The following CEP76 variants were observed in gnomAD, a reference collection of about 807,000 sequenced individuals.
CEP76 encodes centrosomal protein 76.
In CEP76, 55 loss-of-function variants were observed where a neutral mutation model predicts 83.3. The ratio of observed to expected loss-of-function variants is 0.66; its 90% CI spans 0.53 to 0.83. CEP76 has a LOEUF of 0.83. CEP76 is among the 40% of genes least tolerant of loss of function. CEP76 has a pLI of 0.00. For synonymous variants in CEP76, 270 were observed against 274.5 expected (o/e 0.98, Z 0.16); for missense variants, 694 against 799.5 (o/e 0.87, Z 1.59).
At chr18:12,663,222 G>A (rs1490837190) in intron 12 of CEP76, among the ~76,000 whole-genome samples, 1 of 152,060 alleles carries the variant, frequency 6.6e-6, no homozygotes, top group Non-Finnish European at 1.5e-5. Context: ...CAAACATTAG[G>A]ACAAGCAGTA....
intron 12 of CEP76, among the ~76,000 whole-genome samples, chr18:12,666,354 A>G (rs1171562886): frequency 1.3e-5 from 2 of 151,890 alleles, no homozygotes; most frequent in Non-Finnish European, 2.9e-5. Context: ...TTATCTTGCA[A>G]AGTTTGCTAA....
chr18:12,702,693 G>C lies in CEP76; in HGVS notation c.-145C>G, dbSNP rs1200031582. 1 of 864,416 alleles carries C rather than the reference G, an allele frequency of 1.2e-6. No homozygotes were observed. The highest frequency in any genetic ancestry group is 3.1e-5 in the Admixed American group (1 of 32,158). 53.5% of individuals were successfully genotyped at this position (864,416 alleles called of 1,614,324 possible). On this transcript the variant is annotated 5_prime_UTR_variant, in exon 1 of 12. Coordinates refer to ENST00000262127, the MANE Select transcript of CEP76 (RefSeq NM_024899.4). ...TAGCGCAGCTCCCGGGGGACGCAAC[G>C]CCGCGTCAGGCCGGGGGCTGACCTG...
rs774810193 is a variant in CEP76 at position 12,701,046 on chromosome 18, T to C, written c.131A>G (p.Gln44Arg). 3 of 1,613,812 alleles carry C rather than the reference T, an allele frequency of 1.9e-6. No individual in the cohort carries two copies. In the African/African-American group the frequency reaches 4.0e-5, roughly 22 times the overall value. The part of the protein sequence containing the change: ...ETIREELAPD[Q>R]QHLSTEDLIK... ...CAAATCTTCTGTTGATAAATGCTGT[T>C]GATCAGGTGCCAATTCTTCCCGTAT... Residue 44 changes from glutamine to arginine, a missense_variant, in exon 2 of 12, where the codon CAA (glutamine) becomes CGA (arginine). Transcript: ENST00000262127.
At chr18:12,663,929 T>C (rs9945644) in intron 12 of CEP76, among the ~76,000 whole-genome samples, 56,988 of 151,578 alleles carry the variant, frequency 0.38, 10,957 homozygotes, top group Non-Finnish European at 0.43. Context: ...CTTTGGGAGG[T>C]TGAGGCAGGC....
chr18:12,694,750 T>C (rs1177182992), intron 6 of CEP76, among the ~76,000 whole-genome samples: 2 of 151,916 alleles, frequency 1.3e-5, no homozygotes, highest in Non-Finnish European at 2.9e-5. Context: ...CTTGCTCTGT[T>C]GCCCAGGCTG....
At chr18:12,690,857 A>G (rs763369539) in intron 7 of CEP76, among the ~76,000 whole-genome samples, 4 of 152,132 alleles carry the variant, frequency 2.6e-5, no homozygotes, top group Non-Finnish European at 2.9e-5. Context: ...CTTCAGTTAA[A>G]CATTACTGGT....
intron 8 of CEP76, among the ~76,000 whole-genome samples, chr18:12,682,191 G>A (rs185923872): frequency 6.6e-6 from 1 of 151,858 alleles, no homozygotes; most frequent in Non-Finnish European, 1.5e-5. Context: ...TTGAGATAGG[G>A]TCTAGTTCTG....
In CEP76 at chr18:12,697,450, TCA is replaced by T. The variant is rs754197003; in HGVS notation, c.521-44_521-43del. 4 of 1,308,772 alleles carry T rather than the reference TCA, an allele frequency of 3.1e-6. No individual in the cohort carries two copies. The East Asian group carries it at 9.6e-5, about 31-fold the overall frequency. The allele number at this position is 1,308,772 out of a possible 1,614,324, so 81.1% of individuals were successfully genotyped here. On this transcript the variant is annotated intron_variant, in intron 4 of 11. Transcript: ENST00000262127. ...AACGAAATTATACCACACTACATAT[TCA>T]GTTAGGCCAACATAAAAGAATACTT... is the stretch of plus-strand genomic sequence containing the variant.
chr18:12,676,783 A>G (rs946264075), intron 10 of CEP76, among the ~76,000 whole-genome samples: 4 of 152,174 alleles, frequency 2.6e-5, no homozygotes, highest in Non-Finnish European at 5.9e-5. Context: ...AAATGCTTTG[A>G]TAAGTTGACA....
chr18:12,678,679 A>G (rs1448393680), intron 9 of CEP76, among the ~76,000 whole-genome samples: 1 of 152,152 alleles, frequency 6.6e-6, no homozygotes, highest in Non-Finnish European at 1.5e-5. Context: ...TATACTGTTA[A>G]GATCAAAGGC....
intron 12 of CEP76, among the ~76,000 whole-genome samples, chr18:12,665,797 A>G (rs560807122): frequency 6.6e-6 from 1 of 152,176 alleles, no homozygotes. Context: ...TCCCAGGCTC[A>G]TGCAGTTCTC....
rs1194467663 is a variant in CEP76, at chr18:12,697,370, A to G, written c.559T>C (p.Ser187Pro). 2 of 1,612,556 alleles carry G rather than the reference A, an allele frequency of 1.2e-6. No homozygotes were observed. The highest frequency in any genetic ancestry group is 4.5e-5 in the East Asian group (2 of 44,848). Residue 187 changes from serine to proline, a missense_variant, in exon 5 of 12, where the codon TCA becomes CCA. Transcript: ENST00000262127. ...ACCATATGAATTGGATCACTTATTG[A>G]TAACATTGTTGTTGAATCAGCCATT... ...TRMADSTTMLSISDPIHMVLI... is the reference protein window; with the variant it reads ...TRMADSTTMLPISDPIHMVLI...
intron 10 of CEP76, among the ~76,000 whole-genome samples, chr18:12,676,600 T>A (rs1252032153): frequency 1.3e-5 from 2 of 152,096 alleles, no homozygotes; most frequent in African/African-American, 4.8e-5. Flanking sequence ...AAGATATTGC[T>A]TTTATTTGTA....
Position 12,699,192 on chromosome 18 carries a change from G to T in CEP76, c.307C>A (p.Pro103Thr). The change falls in exon 4 of 12, where the codon CCA (proline) becomes ACA (threonine). Residue 103 changes from proline to threonine, a missense_variant. By Grantham distance (38) the Pro-to-Thr change is conservative (BLOSUM62 -1). Coordinates refer to ENST00000262127, the MANE Select transcript of CEP76 (RefSeq NM_024899.4). ...TGAAGGTAAAGATACCTCCGTGTTGGATCAATATTAGCTGTAAAGTGTAGC... is the reference window on the plus strand; with the variant it reads ...TGAAGGTAAAGATACCTCCGTGTTGTATCAATATTAGCTGTAAAGTGTAGC... ...QSTLKKTNID[P>T]TRRYLYLQVL... 1 of 1,610,952 alleles carries T rather than the reference G, an allele frequency of 6.2e-7. No homozygotes were observed. Among genetic ancestry groups the T allele is most frequent in the Non-Finnish European group, 8.5e-7 (1 of 1,177,342 alleles).
chr18:12,686,642 A>G lies in CEP76; in HGVS notation c.934-192T>C. On this transcript the variant is annotated intron_variant, in intron 7 of 11. Coordinates refer to ENST00000262127, the MANE Select transcript of CEP76 (RefSeq NM_024899.4). ...TCCTCATCTCCGTTATTTTCATTTT[A>G]TAGATGAAAACTGAGGAGCTACAGC... 6.8e-6 allele frequency: 3 copies of G among 442,104 alleles called. No individual in the cohort carries two copies. The Middle Eastern group carries it at 1.9e-3, about 284-fold the overall frequency. 27.4% of individuals were successfully genotyped at this position (442,104 alleles called of 1,614,324 possible).
At chr18:12,690,379 G>A (rs1015485717) in intron 7 of CEP76, among the ~76,000 whole-genome samples, 1 of 152,032 alleles carries the variant, frequency 6.6e-6, no homozygotes, top group Non-Finnish European at 1.5e-5. Flanking sequence ...GAAAGCATCT[G>A]TATGAGGCTG....
chr18:12,681,103 C>G (rs958847805), intron 8 of CEP76, among the ~76,000 whole-genome samples: 2 of 149,908 alleles, frequency 1.3e-5, no homozygotes, highest in African/African-American at 2.5e-5. Context: ...GGAGGCGAGG[C>G]AAGAGAATCA....
downstream of CEP76, among the ~76,000 whole-genome samples, chr18:12,669,032 C>CTTTTTTTTTTTTTTT (rs71174122): frequency 4.8e-5 from 2 of 41,958 alleles, 1 homozygote; most frequent in Non-Finnish European, 1.1e-4. Flanking sequence ...ACCCCCCGCA[C>CTTTTTTTTTTTTTTT]TTTTTTTTTT....
chr18:12,678,335 A>G lies in CEP76; in HGVS notation c.1397T>C (p.Leu466Pro). ...IGCVFNHQMF[L>P]GNCQPSDAVE... Reference sequence around the variant, plus strand: ...TGCATCAGAGGGTTGACAATTTCCCAGGAACATCTGATGGTTGAAAACACA... The same window carrying G: ...TGCATCAGAGGGTTGACAATTTCCCGGGAACATCTGATGGTTGAAAACACA... Residue 466 changes from leucine (L) to proline (P), a missense_variant, in exon 10 of 12, where the codon CTG becomes CCG. Transcript: ENST00000262127. 6.2e-7 allele frequency: 1 copy of G among 1,614,192 alleles called. No individual in the cohort carries two copies. The highest frequency in any genetic ancestry group is 1.6e-4 in the Middle Eastern group (1 of 6,062).
Sources: gnomAD v4.1 joint callset for allele counts (sites outside exome capture counted in the v4.1 genomes callset) on GRCh38, gnomAD v4.1.1 for gene constraint, MANE v1.5 for transcripts, NCBI Gene and HGNC (gene_info 2026-07-23, HGNC 2026-07-21) for gene names.